The following IMPDH1 variants were observed in gnomAD, a reference collection of about 807,000 sequenced individuals.
The protein encoded by IMPDH1 is inosine monophosphate dehydrogenase 1.
In IMPDH1, 41 loss-of-function variants were observed where a neutral mutation model predicts 73.5. That is an observed-to-expected ratio of 0.56 (90% CI 0.43 to 0.72). The LOEUF is 0.72. IMPDH1 is among the 30% of genes least tolerant of loss of function. The pLI is 0.00. For missense variants in IMPDH1, 645 were observed against 824.8 expected (o/e 0.78, Z 2.67); for synonymous variants, 318 against 334.3 (o/e 0.95, Z 0.53).
intron 4 of IMPDH1, among the ~76,000 whole-genome samples, chr7:128,404,676 G>A (rs1384875475): frequency 6.6e-6 from 1 of 152,084 alleles, no homozygotes; most frequent in East Asian, 1.9e-4. Context: ...ACTCCTAGGC[G>A]TTCCCCTAGG....
chr7:128,406,292 C>CG (rs1798762153), intron 3 of IMPDH1, among the ~76,000 whole-genome samples: 1 of 4,998 alleles, frequency 2.0e-4, no homozygotes, highest in African/African-American at 8.6e-4. Context: ...CCCACCCCCC[C>CG]ACACCCCCAC....
At position 128,409,332 on chromosome 7, in the gene IMPDH1, G is replaced by GT; in HGVS notation, c.210dup (p.Leu71ThrfsTer15). 1.2e-6 allele frequency: 2 copies of GT among 1,614,208 alleles called. No individual in the cohort carries two copies. Among genetic ancestry groups the GT allele is most frequent in the African/African-American group, 2.7e-5 (2 of 75,074 alleles). On this transcript the variant is annotated frameshift_variant, in exon 3 of 17. Transcript: ENST00000338791. LOFTEE classifies it high-confidence loss of function. ...TCCATCTGGACACCAACACCTGCCA[G>GT]TAAGACCACTGAAGATAGTTCTAGG...
Position 128,394,843 on chromosome 7 carries a change from A to G in IMPDH1, c.1550+46T>C. 6.2e-7 allele frequency: 1 copy of G among 1,607,916 alleles called. No homozygotes were observed. Among genetic ancestry groups the G allele is most frequent in the Non-Finnish European group, 8.5e-7 (1 of 1,178,422 alleles). ...AGTCGGTGGCATGAGCGGGCCCTGA[A>G]GGGTTGTGGGCTGATCTGCCCAGGT... On this transcript the variant is annotated intron_variant, in intron 14 of 16. Transcript: ENST00000338791. The surrounding 1 kb of genome is among the most constrained non-coding windows in gnomAD (Gnocchi z 5.5).
chr7:128,400,672 A>T, intron 7 of IMPDH1, 133 bp from the exon 8 acceptor site: 1 of 1,183,606 alleles, frequency 8.4e-7, no homozygotes, highest in Non-Finnish European at 1.3e-6. Context: ...AGCCAGTGGG[A>T]AAATGAGGGC....
Position 128,394,716 on chromosome 7 carries a change from G to T in IMPDH1, c.1551-117C>A. 1 of 1,439,614 alleles carries T rather than the reference G, an allele frequency of 6.9e-7. No individual in the cohort carries two copies. Among genetic ancestry groups the T allele is most frequent in the Non-Finnish European group, 9.6e-7 (1 of 1,040,216 alleles). The allele number at this position is 1,439,614 out of a possible 1,614,324, so 89.2% of individuals were successfully genotyped here. A position where few individuals can be genotyped will look rare whatever the true frequency, so the allele number is the denominator to read the frequency against. ...AAGGTCCCCCAGGCCACCCCTCACT[G>T]GGCTGAGTCAGATGGCCCAGGGACA... On this transcript the variant is annotated intron_variant, in intron 14 of 16. Coordinates refer to ENST00000338791, the MANE Select transcript of IMPDH1 (RefSeq NM_000883.4). The surrounding 1 kb of genome is among the most constrained non-coding windows in gnomAD (Gnocchi z 5.5).
Position 128,405,791 on chromosome 7 carries a change from G to A in IMPDH1, c.329C>T (p.Ala110Val). The A allele has an allele frequency of 6.5e-7, 1 of 1,541,054 alleles. No individual in the cohort carries two copies. The highest frequency in any genetic ancestry group is 8.7e-7 in the Non-Finnish European group (1 of 1,144,798). The change falls in exon 4 of 17, where the codon GCC (alanine) becomes GTC (valine). Residue 110 changes from alanine to valine, a missense_variant. By Grantham distance (64) the Ala-to-Val change is moderately conservative. Coordinates refer to ENST00000338791, the MANE Select transcript of IMPDH1 (RefSeq NM_000883.4). ...EDGLTAQQLF[A>V]SADGLTYNDF... ...CTTGTAGGTGAGGCCGTCGGCGCTGGCGAAGAGCTGCTGCGCGGTGAGCCC... is the reference window on the plus strand; with the variant it reads ...CTTGTAGGTGAGGCCGTCGGCGCTGACGAAGAGCTGCTGCGCGGTGAGCCC...
Position 128,394,491 on chromosome 7 carries a change from G to A in IMPDH1, c.1659C>T (p.Cys553=). ...PYLIAGIQHG[C]QDIGARSLSV... ...ACAGGCTGCGGGCCCCGATATCCTGGCAGCCGTGTTGGATGCCTGCTATGA... is the reference window on the plus strand; with the variant it reads ...ACAGGCTGCGGGCCCCGATATCCTGACAGCCGTGTTGGATGCCTGCTATGA... The change falls in exon 15 of 17, where the codon TGC becomes TGT. Residue 553 remains cysteine, a synonymous_variant. Transcript: ENST00000338791. This position sits in a 1 kb window ranked among gnomAD's most constrained non-coding sequence, Gnocchi z 5.5. The A allele has an allele frequency of 6.2e-7, 1 of 1,614,036 alleles. No homozygotes were observed. The highest frequency in any genetic ancestry group is 8.5e-7 in the Non-Finnish European group (1 of 1,180,004).
chr7:128,393,105 C>G, intron 16 of IMPDH1, 77 bp from the exon 17 acceptor site: 1 of 1,477,396 alleles, frequency 6.8e-7, no homozygotes, highest in Non-Finnish European at 9.5e-7. Context: ...TTCCCCAGGG[C>G]CCCCAGATGT....
At position 128,395,355 on chromosome 7, in the gene IMPDH1, C is replaced by G. The variant is rs1048335552; in HGVS notation, c.1262-81G>C. 11 of 1,491,036 alleles carry G rather than the reference C, an allele frequency of 7.4e-6. No homozygotes were observed. In the South Asian group the frequency reaches 1.2e-4, roughly 17 times the overall value. The allele number at this position is 1,491,036 out of a possible 1,614,324, so 92.4% of individuals were successfully genotyped here. A position where few individuals can be genotyped will look rare whatever the true frequency, so the allele number is the denominator to read the frequency against. ...TGGAGCGGGGCCAGCCCAGCTCTTC[C>G]TCCTGTGCACTACCTCTACTCAGGA... is the stretch of plus-strand genomic sequence containing the variant. On this transcript the variant is annotated intron_variant, in intron 12 of 16. Coordinates refer to ENST00000338791, the MANE Select transcript of IMPDH1 (RefSeq NM_000883.4).
intron 3 of IMPDH1, 37 bp from the exon 4 acceptor site, chr7:128,405,902 C>T: frequency 6.8e-7 from 1 of 1,469,692 alleles, no homozygotes; most frequent in Non-Finnish European, 9.0e-7. Context: ...TAAACACCCG[C>T]GCGGCCGCCC....
intron 10 of IMPDH1, 128 bp from the exon 11 acceptor site, chr7:128,397,150 T>TG: frequency 4.9e-6 from 3 of 609,752 alleles, no homozygotes; most frequent in Non-Finnish European, 8.5e-6. Context: ...TCCTTCTGGT[T>TG]GTTTTTTTTT....
chr7:128,400,063 G>C, intron 9 of IMPDH1, 32 bp downstream of exon 9: 1 of 1,498,786 alleles, frequency 6.7e-7, no homozygotes, highest in South Asian at 1.1e-5. Flanking sequence ...GAGTCAGGCT[G>C]GGGGTTGAGT....
In IMPDH1 at chr7:128,392,698, GGGT is replaced by G; in HGVS notation, c.*306_*308del. ...AGCCAGGAGGGGCCGCCTGCCCCTG[GGGT>G]GGGGGCCAGGCTGGAGCAGGCTGCA... is the stretch of plus-strand genomic sequence containing the variant. On this transcript the variant is annotated 3_prime_UTR_variant, in exon 17 of 17. Coordinates refer to ENST00000338791, the MANE Select transcript of IMPDH1 (RefSeq NM_000883.4). 1 of 410,612 alleles carries G rather than the reference GGGT, an allele frequency of 2.4e-6. No homozygotes were observed. Among genetic ancestry groups the G allele is most frequent in the South Asian group, 2.8e-5 (1 of 35,662 alleles). 25.4% of individuals were successfully genotyped at this position (410,612 alleles called of 1,614,324 possible). A position where few individuals can be genotyped will look rare whatever the true frequency, so the allele number is the denominator to read the frequency against.
rs1027214657 is a variant in IMPDH1 at position 128,400,106 on chromosome 7, C to T, written c.863G>A (p.Arg288His). ...TLKEANEILQRSKKGKLPIVN... is the reference protein window; with the variant it reads ...TLKEANEILQHSKKGKLPIVN... ...TAGCTCCCTGGTACCTTTCTTGCTA[C>T]GCTGCAGGATCTCATTTGCCTCTTT... Residue 288 changes from arginine (R) to histidine (H), a missense_variant, in exon 9 of 17, where the codon CGT becomes CAT. By Grantham distance (29) the Arg-to-His change is conservative. Coordinates refer to ENST00000338791, the MANE Select transcript of IMPDH1 (RefSeq NM_000883.4). The T allele has an allele frequency of 8.1e-6, 13 of 1,612,236 alleles. No individual in the cohort carries two copies. The highest frequency in any genetic ancestry group is 6.7e-5 in the East Asian group (3 of 44,902).
At chr7:128,393,435 C>G (rs78763502) in intron 16 of IMPDH1, among the ~76,000 whole-genome samples, 17,262 of 152,274 alleles carry the variant, frequency 0.11, 988 homozygotes, top group Middle Eastern at 0.16. Flanking sequence ...CTTGTGGTCA[C>G]TGGGTCCAGT....
intron 10 of IMPDH1, among the ~76,000 whole-genome samples, chr7:128,397,646 G>C (rs1348700951): frequency 6.6e-6 from 1 of 152,098 alleles, no homozygotes; most frequent in East Asian, 1.9e-4. Flanking sequence ...CACTCACAAG[G>C]GATCAATAAG....
chr7:128,396,750 C>A lies in IMPDH1; in HGVS notation c.1166-55G>T. 2.1e-6 allele frequency: 3 copies of A among 1,441,542 alleles called. No individual in the cohort carries two copies. The highest frequency in any genetic ancestry group is 2.9e-6 in the Non-Finnish European group (3 of 1,047,724). 89.3% of individuals were successfully genotyped at this position (1,441,542 alleles called of 1,614,324 possible). A position where few individuals can be genotyped will look rare whatever the true frequency, so the allele number is the denominator to read the frequency against. The stretch of plus-strand genomic sequence containing the variant: ...TGTGAGGATGGGATGCCCCTGCCTG[C>A]CCAACAGCCTCTTGGGACCCCAGTC... On this transcript the variant is annotated intron_variant, in intron 11 of 16. Coordinates refer to ENST00000338791, the MANE Select transcript of IMPDH1 (RefSeq NM_000883.4). The surrounding 1 kb of genome is among the most constrained non-coding windows in gnomAD (Gnocchi z 4.0).
intron 3 of IMPDH1, among the ~76,000 whole-genome samples, chr7:128,408,418 C>A (rs569213990): frequency 6.6e-6 from 1 of 152,270 alleles, no homozygotes; most frequent in East Asian, 1.9e-4. Context: ...ACACTGGATT[C>A]AAACCCAGGA....
In IMPDH1 at chr7:128,409,807, G is replaced by T; in HGVS notation, c.95C>A (p.Ala32Glu). 1 of 1,499,866 alleles carries T rather than the reference G, an allele frequency of 6.7e-7. No homozygotes were observed. Among genetic ancestry groups the T allele is most frequent in the Non-Finnish European group, 8.8e-7 (1 of 1,132,150 alleles). 92.9% of individuals were successfully genotyped at this position (1,499,866 alleles called of 1,614,324 possible). A position where few individuals can be genotyped will look rare whatever the true frequency, so the allele number is the denominator to read the frequency against. Residue 32 changes from alanine (A) to glutamate (E), a missense_variant, in exon 1 of 17, where the codon GCG becomes GAG. By Grantham distance (107) the Ala-to-Glu change is moderately radical. Around this residue, in one of 2 missense-constraint regions of IMPDH1, gnomAD observed 186 missense variants for 186.6 expected, o/e 1.00. Coordinates refer to ENST00000338791, the MANE Select transcript of IMPDH1 (RefSeq NM_000883.4). ...CAGTCGGGCGCTGTACCGCTGCGCC[G>T]CCGTCTCGTGTCCCGGGTGTTGCCG... ...GARQHPGHETAAQRYSARLLQ... is the reference protein window; with the variant it reads ...GARQHPGHETEAQRYSARLLQ...
Sources: gnomAD v4.1 joint callset for allele counts (sites outside exome capture counted in the v4.1 genomes callset) on GRCh38, gnomAD v4.1.1 for gene constraint, gnomAD v4.1.1 regional missense constraint, Gnocchi (gnomAD v3.1) non-coding constraint, MANE v1.5 for transcripts, NCBI Gene and HGNC (gene_info 2026-07-23, HGNC 2026-07-21) for gene names.